The following SLC6A6 variants were observed in gnomAD, a reference collection of about 807,000 sequenced individuals.
The protein encoded by SLC6A6 is solute carrier family 6 member 6.
Under a neutral mutation model 68.8 loss-of-function variants are expected in SLC6A6, and 16 were observed. The ratio of observed to expected loss-of-function variants is 0.23; its 90% CI spans 0.16 to 0.35. The LOEUF is 0.35. Among genes scored for constraint, SLC6A6 ranks in the 10% least tolerant of loss-of-function variants. The pLI, the probability that SLC6A6 is intolerant of heterozygous loss-of-function variation, is 1.00. For missense variants in SLC6A6, 474 were observed against 802.8 expected, an observed-to-expected ratio of 0.59 and a Z score of 4.95; for synonymous variants, 312 against 315.4, an observed-to-expected ratio of 0.99 and a Z score of 0.12.
Position 14,481,919 on chromosome 3 carries a change from C to T in SLC6A6, c.1722+78C>T. 2.4e-6 allele frequency: 3 copies of T among 1,268,828 alleles called. No individual in the cohort carries two copies. 78.6% of individuals were successfully genotyped at this position (1,268,828 alleles called of 1,614,324 possible). On this transcript the variant is annotated intron_variant, in intron 14 of 14. Transcript: ENST00000622186. This position sits in a 1 kb window ranked among gnomAD's most constrained non-coding sequence, Gnocchi z 4.7. ...GATTGTTGTCAGTTTGCTGCGTGAT[C>T]TCAGGCAAGTCACCTGCCCTCTCTG...
chr3:14,483,890 G>T (rs1437637368), intron 14 of SLC6A6, among the ~76,000 whole-genome samples: 2 of 151,846 alleles, frequency 1.3e-5, no homozygotes, highest in Admixed American at 1.3e-4. Flanking sequence ...TCACTGTGTT[G>T]CCCAGACTGC....
intron 6 of SLC6A6, among the ~76,000 whole-genome samples, chr3:14,464,337 G>A (rs6808704): frequency 0.52 from 79,068 of 152,028 alleles, 21,994 homozygotes; most frequent in African/African-American, 0.72. Context: ...TTAAGCCCAC[G>A]TGACCCTGGG....
intron 10 of SLC6A6, among the ~76,000 whole-genome samples, chr3:14,475,854 CT>C (rs1367192552): frequency 3.3e-5 from 5 of 152,222 alleles, no homozygotes; most frequent in Non-Finnish European, 5.9e-5. Flanking sequence ...TTGGATCCCT[CT>C]TGAGAGCCTC....
At chr3:14,413,054 G>C (rs1395999843) in intron 1 of SLC6A6, among the ~76,000 whole-genome samples, 1 of 152,250 alleles carries the variant, frequency 6.6e-6, no homozygotes, top group African/African-American at 2.4e-5. Context: ...AATCAGGGGA[G>C]AGCCCAGGGC....
intron 4 of SLC6A6, 31 bp from the exon 5 acceptor site, chr3:14,447,551 T>G (rs1478462087): frequency 2.5e-6 from 4 of 1,612,774 alleles, no homozygotes; most frequent in Admixed American, 3.3e-5. Flanking sequence ...CTCCCTCAGA[T>G]GTTTACTCAT....
At chr3:14,422,897 C>T (rs764862033) in intron 2 of SLC6A6, among the ~76,000 whole-genome samples, 1 of 152,206 alleles carries the variant, frequency 6.6e-6, no homozygotes, top group Non-Finnish European at 1.5e-5. Flanking sequence ...TCTCACAGCC[C>T]CTCAAGTCTC....
At chr3:14,420,615 T>G (rs1007839865) in intron 2 of SLC6A6, among the ~76,000 whole-genome samples, 1 of 151,460 alleles carries the variant, frequency 6.6e-6, no homozygotes, top group African/African-American at 2.4e-5. Context: ...CTCAGCCTCC[T>G]GAGTACCTGG....
chr3:14,415,357 G>A (rs1320174115), intron 1 of SLC6A6, among the ~76,000 whole-genome samples: 4 of 152,300 alleles, frequency 2.6e-5, no homozygotes, highest in African/African-American at 9.6e-5. Flanking sequence ...GCCGGGACTG[G>A]CATTTACTGA....
At position 14,481,042 on chromosome 3, in the gene SLC6A6, A is replaced by T. The variant is rs530005337; in HGVS notation, c.1552-629A>T. Among the ~76,000 whole-genome samples, 1 of 152,330 alleles carries T rather than the reference A, an allele frequency of 6.6e-6. No homozygotes were observed. The highest frequency in any genetic ancestry group is 2.1e-4 in the South Asian group (1 of 4,830). ...AAAGGCTTTCATCTACGCTGCTAGCACTTATGGTGCACTTGTTGTATGTAC... is the reference window on the plus strand; with the variant it reads ...AAAGGCTTTCATCTACGCTGCTAGCTCTTATGGTGCACTTGTTGTATGTAC... On this transcript the variant is annotated intron_variant, in intron 13 of 14. Coordinates refer to ENST00000622186, the MANE Select transcript of SLC6A6 (RefSeq NM_003043.6). The surrounding 1 kb of genome is among the most constrained non-coding windows in gnomAD (Gnocchi z 4.7).
intron 2 of SLC6A6, among the ~76,000 whole-genome samples, chr3:14,424,764 G>T (rs779080817): frequency 4.6e-5 from 7 of 152,180 alleles, no homozygotes; most frequent in Non-Finnish European, 1.0e-4. Context: ...AGAATCACAG[G>T]CACGGCCACA....
rs1212944437 is a variant in SLC6A6, at chr3:14,468,492, C to T, written c.1096+280C>T. Among the ~76,000 whole-genome samples the T allele has an allele frequency of 2.0e-5, 3 of 152,054 alleles. No individual in the cohort carries two copies. The highest frequency in any genetic ancestry group is 4.4e-5 in the Non-Finnish European group (3 of 68,004). ...TACCTTAGTGTGGTCTTCCCCGCCC[C>T]CCCGTCCTTCCCCAGCAAACTCCTG... On this transcript the variant is annotated intron_variant, in intron 9 of 14. Coordinates refer to ENST00000622186, the MANE Select transcript of SLC6A6 (RefSeq NM_003043.6). The surrounding 1 kb of genome is among the most constrained non-coding windows in gnomAD (Gnocchi z 4.5).
intron 2 of SLC6A6, among the ~76,000 whole-genome samples, chr3:14,425,008 C>T (rs1392584108): frequency 1.3e-5 from 2 of 152,222 alleles, no homozygotes; most frequent in African/African-American, 4.8e-5. Flanking sequence ...CTGCCTCTCT[C>T]TGCACTTAGC....
chr3:14,461,238 C>T (rs1700486707), intron 6 of SLC6A6, among the ~76,000 whole-genome samples: 1 of 152,212 alleles, frequency 6.6e-6, no homozygotes, highest in Non-Finnish European at 1.5e-5. Flanking sequence ...TTGAATCCTC[C>T]TCATGGTTTG....
At position 14,443,662 on chromosome 3, in the gene SLC6A6, C is replaced by T. The variant is rs9879642; in HGVS notation, c.28C>T (p.Leu10=). The T allele has an allele frequency of 1.9e-3, 3,013 of 1,613,752 alleles. 48 individuals are homozygous for T. In the African/African-American group the frequency reaches 0.035, roughly 19 times the overall value. The part of the protein sequence containing the change: MATKEKLQC[L]KDFHKDILKP... ...GGCCACCAAGGAGAAGCTGCAGTGTCTGAAAGATTTCCACAAGGACATCCT... is the reference window on the plus strand; with the variant it reads ...GGCCACCAAGGAGAAGCTGCAGTGTTTGAAAGATTTCCACAAGGACATCCT... Residue 10 remains leucine, a synonymous_variant, in exon 3 of 15, where the codon CTG becomes TTG. Transcript: ENST00000622186.
At chr3:14,418,955 C>T (rs1006444327) in intron 2 of SLC6A6, among the ~76,000 whole-genome samples, 1 of 152,236 alleles carries the variant, frequency 6.6e-6, no homozygotes, top group Non-Finnish European at 1.5e-5. Context: ...TCCCCCGGGA[C>T]TTCCTCCTGG....
At chr3:14,417,251 T>A (rs1407711972) in intron 2 of SLC6A6, among the ~76,000 whole-genome samples, 1 of 152,234 alleles carries the variant, frequency 6.6e-6, no homozygotes, top group Non-Finnish European at 1.5e-5. Flanking sequence ...AGTATTACAG[T>A]GGCCTCGCAT....
At chr3:14,445,121 T>G (rs1700084129) in intron 3 of SLC6A6, among the ~76,000 whole-genome samples, 1 of 152,120 alleles carries the variant, frequency 6.6e-6, no homozygotes. Flanking sequence ...TAGGCACAGC[T>G]GACATGAAGG....
At chr3:14,424,205 T>G (rs762603087) in intron 2 of SLC6A6, among the ~76,000 whole-genome samples, 9 of 152,046 alleles carry the variant, frequency 5.9e-5, no homozygotes, top group Non-Finnish European at 1.3e-4. Context: ...AGTTATGGAC[T>G]TTTGCTGTGG....
intron 5 of SLC6A6, among the ~76,000 whole-genome samples, chr3:14,453,068 G>A (rs955927453): frequency 2.6e-5 from 4 of 152,264 alleles, no homozygotes; most frequent in African/African-American, 7.2e-5. Flanking sequence ...GAGAAAGGCT[G>A]CACGGCCCCG....
Sources: gnomAD v4.1 joint callset for allele counts (sites outside exome capture counted in the v4.1 genomes callset) on GRCh38, gnomAD v4.1.1 for gene constraint, Gnocchi (gnomAD v3.1) non-coding constraint, MANE v1.5 for transcripts, NCBI Gene and HGNC (gene_info 2026-07-23, HGNC 2026-07-21) for gene names.